GYPE: variants seen among roughly 807,000 people sequenced by gnomAD.
GYPE encodes the protein glycophorin E (MNS blood group).
Under a neutral mutation model 11.6 loss-of-function variants are expected in GYPE, and 8 were observed. The ratio of observed to expected loss-of-function variants is 0.69; its 90% confidence interval spans 0.41 to 1.25. The LOEUF is 1.25. Ranked by LOEUF, GYPE falls within the 50% of genes most tolerant of loss-of-function variation. The pLI is 0.01. For synonymous variants in GYPE, 28 were observed against 29.6 expected (o/e 0.94, Z 0.18); for missense variants, 90 against 92.8 (o/e 0.97, Z 0.12).
At position 143,890,436 on chromosome 4, in the gene GYPE, T is replaced by C. The variant is rs971339594; in HGVS notation, c.38-9927A>G. On this transcript the variant is annotated intron_variant, in intron 1 of 3. Coordinates refer to ENST00000358615, the MANE Select transcript of GYPE (RefSeq NM_198682.3). ...TTGGGCTGAATGAAAATAATTTCAATTGAAAACAAAAACTTTATCCCAAAG... is the reference window on the plus strand; with the variant it reads ...TTGGGCTGAATGAAAATAATTTCAACTGAAAACAAAAACTTTATCCCAAAG... Among the ~76,000 whole-genome samples the C allele has an allele frequency of 7.2e-5, 11 of 152,320 alleles. No individual in the cohort carries two copies. In the Middle Eastern group the frequency reaches 0.014, roughly 188 times the overall value.
Position 143,896,835 on chromosome 4 carries a change from G to T in GYPE, c.37+8636C>A, listed in dbSNP as rs201495733. Among the ~76,000 whole-genome samples, 425 of 152,214 alleles carry T rather than the reference G, an allele frequency of 2.8e-3. 2 individuals carry two copies. Among genetic ancestry groups the T allele is most frequent in the African/African-American group, 9.8e-3 (406 of 41,526 alleles). ...TGGAATAATATGCGGCCATAAAAAA[G>T]GATGAGTTCATGTCCTTTGTAGGGA... On this transcript the variant is annotated intron_variant, in intron 1 of 3. Transcript: ENST00000358615.
chr4:143,902,118 A>C (rs1489137955), intron 1 of GYPE, among the ~76,000 whole-genome samples: 1 of 152,132 alleles, frequency 6.6e-6, no homozygotes, highest in East Asian at 1.9e-4. Context: ...TTTCATGGCT[A>C]AACTAGTCTG....
At chr4:143,894,364 C>T (rs527954838) in intron 1 of GYPE, among the ~76,000 whole-genome samples, 2 of 152,170 alleles carry the variant, frequency 1.3e-5, no homozygotes, top group African/African-American at 2.4e-5. Flanking sequence ...GAACTGTGTT[C>T]CTTTGGAGGA....
chr4:143,901,244 TAATA>T (rs1468121560), intron 1 of GYPE, among the ~76,000 whole-genome samples: 3 of 152,186 alleles, frequency 2.0e-5, no homozygotes, highest in Non-Finnish European at 4.4e-5. Flanking sequence ...CAGAAATTCT[TAATA>T]AATATCACAA....
intron 3 of GYPE, among the ~76,000 whole-genome samples, chr4:143,872,887 G>GT (rs968578611): frequency 5.4e-5 from 8 of 147,076 alleles, no homozygotes; most frequent in South Asian, 2.2e-4. Context: ...GAGGGTTGAA[G>GT]GGGGCAGGCC....
chr4:143,897,475 A>T (rs1225860886), intron 1 of GYPE, among the ~76,000 whole-genome samples: 1 of 152,072 alleles, frequency 6.6e-6, no homozygotes, highest in African/African-American at 2.4e-5. Flanking sequence ...TCTCTAAAAA[A>T]AATTAAGTTG....
intron 1 of GYPE, among the ~76,000 whole-genome samples, chr4:143,881,471 G>T (rs576738627): frequency 1.3e-5 from 2 of 152,192 alleles, no homozygotes; most frequent in East Asian, 3.9e-4. Flanking sequence ...ATGCAAGGTT[G>T]AACATTTGAC....
intron 1 of GYPE, among the ~76,000 whole-genome samples, chr4:143,894,999 T>C (rs914132508): frequency 3.9e-5 from 6 of 152,180 alleles, no homozygotes; most frequent in Non-Finnish European, 7.3e-5. Flanking sequence ...ATTGATGGGA[T>C]GTATCTCAAA....
chr4:143,891,322 T>TTTTC (rs1560946320), intron 1 of GYPE, among the ~76,000 whole-genome samples: 3 of 139,428 alleles, frequency 2.2e-5, no homozygotes, highest in Admixed American at 7.4e-5. Flanking sequence ...TTTGATTTTT[T>TTTTC]TTGTTTCTTT....
intron 2 of GYPE, among the ~76,000 whole-genome samples, chr4:143,878,896 T>C (rs1283284633): frequency 2.0e-5 from 3 of 152,166 alleles, no homozygotes; most frequent in Non-Finnish European, 4.4e-5. Flanking sequence ...CAAGTATTCA[T>C]GGATGACAAA....
intron 3 of GYPE, among the ~76,000 whole-genome samples, chr4:143,874,277 C>A (rs956897277): frequency 3.3e-5 from 5 of 151,948 alleles, no homozygotes; most frequent in Admixed American, 1.3e-4. Flanking sequence ...CTATACATAT[C>A]CTGGCATCTC....
Position 143,871,880 on chromosome 4 carries a change from G to A in GYPE, c.*382C>T, listed in dbSNP as rs1235896986. ...TGAATTCCATCCATTTGGTGGGTAA[G>A]GACCTCAGAGTATTCAAAGTATCAA... On this transcript the variant is annotated 3_prime_UTR_variant, in exon 4 of 4. Transcript: ENST00000358615. 6.6e-6 allele frequency: 1 copy of A among 152,110 alleles called. No individual in the cohort carries two copies. The highest frequency in any genetic ancestry group is 1.5e-5 in the Non-Finnish European group (1 of 68,044). 9.4% of individuals were successfully genotyped at this position (152,110 alleles called of 1,614,324 possible).
chr4:143,895,446 C>A (rs981800678), intron 1 of GYPE, among the ~76,000 whole-genome samples: 9 of 150,834 alleles, frequency 6.0e-5, no homozygotes, highest in African/African-American at 2.2e-4. Context: ...ATCCAACTTA[C>A]AAGGGATGTT....
intron 1 of GYPE, among the ~76,000 whole-genome samples, chr4:143,890,132 C>A (rs1744347344): frequency 6.6e-6 from 1 of 152,190 alleles, no homozygotes; most frequent in East Asian, 1.9e-4. Flanking sequence ...TTGTTTATAG[C>A]CTGAGGGTAG....
intron 1 of GYPE, among the ~76,000 whole-genome samples, chr4:143,896,881 A>G (rs1578976365): frequency 6.6e-6 from 1 of 152,126 alleles, no homozygotes; most frequent in Non-Finnish European, 1.5e-5. Context: ...ACTGGAAATC[A>G]TCATTCTCAG....
In GYPE at chr4:143,904,046, CATTT is replaced by C. The variant is rs1744969069; in HGVS notation, c.37+1421_37+1424del. Among the ~76,000 whole-genome samples, 9 of 152,142 alleles carry C rather than the reference CATTT, an allele frequency of 5.9e-5. No individual in the cohort carries two copies. In the South Asian group the frequency reaches 1.9e-3, roughly 32 times the overall value. On this transcript the variant is annotated intron_variant, in intron 1 of 3. Transcript: ENST00000358615. ...TACAAATATTACACTACATCCCTTT[CATTT>C]GTTTTTTCTTCAAACTAAATGTTTT...
chr4:143,897,689 T>A (rs939033753), intron 1 of GYPE, among the ~76,000 whole-genome samples: 1 of 152,122 alleles, frequency 6.6e-6, no homozygotes, highest in Non-Finnish European at 1.5e-5. Flanking sequence ...GGCTGCCAGA[T>A]CAATAGCATA....
intron 1 of GYPE, among the ~76,000 whole-genome samples, chr4:143,888,513 A>G (rs1188692926): frequency 6.1e-5 from 9 of 147,224 alleles, no homozygotes; most frequent in East Asian, 2.1e-4. Context: ...TGGCATTGCA[A>G]TGACCATGAA....
intron 1 of GYPE, among the ~76,000 whole-genome samples, chr4:143,881,212 C>A (rs955310007): frequency 1.3e-5 from 2 of 150,892 alleles, no homozygotes; most frequent in African/African-American, 2.4e-5. Context: ...AAACCACGCA[C>A]GCAAACATGA....
Sources: gnomAD v4.1 joint callset for allele counts (sites outside exome capture counted in the v4.1 genomes callset) on GRCh38, gnomAD v4.1.1 for gene constraint, MANE v1.5 for transcripts, NCBI Gene and HGNC (gene_info 2026-07-23, HGNC 2026-07-21) for gene names.